PARD6G: variants seen among roughly 807,000 people sequenced by gnomAD.
PARD6G encodes par-6 family cell polarity regulator gamma, also known as partitioning defective 6 homolog gamma.
PARD6G carries 7 observed loss-of-function variants against 10.7 expected under a neutral mutation model. The observed-to-expected ratio is 0.66, with a 90% CI of 0.37 to 1.23. PARD6G has a LOEUF of 1.23. Among genes scored for constraint, PARD6G ranks in the 50% most tolerant of loss-of-function variants. The probability of loss-of-function intolerance (pLI) is 0.02; values close to 1 mark genes in which losing one functional copy is unlikely to be tolerated. For missense variants in PARD6G, 548 were observed against 571.8 expected, an observed-to-expected ratio of 0.96 and a Z score of 0.42; for synonymous variants, 287 against 269.4, an observed-to-expected ratio of 1.07 and a Z score of -0.64.
chr18:80,185,822 G>A (rs1024942215), intron 2 of PARD6G, among the ~76,000 whole-genome samples: 3 of 124,924 alleles, frequency 2.4e-5, no homozygotes, highest in Non-Finnish European at 4.9e-5. Context: ...TGACATGCTC[G>A]CACACCCTCA....
In PARD6G at chr18:80,184,828, T is replaced by A. The variant is rs2052865774; in HGVS notation, c.295+17882A>T. 6.6e-6 allele frequency: 1 copy of A among 152,204 alleles called. No individual in the cohort carries two copies. The highest frequency in any genetic ancestry group is 1.5e-5 in the Non-Finnish European group (1 of 68,056). 9.4% of individuals were successfully genotyped at this position (152,204 alleles called of 1,614,324 possible). The stretch of plus-strand genomic sequence containing the variant: ...AGAGACTACTTAACAGGCAGAGACT[T>A]GTTTTTGGGGTGGTGAAAATGTTCT... On this transcript the variant is annotated intron_variant, in intron 2 of 2. Coordinates refer to ENST00000353265, the MANE Select transcript of PARD6G (RefSeq NM_032510.4). This position sits in a 1 kb window ranked among gnomAD's most constrained non-coding sequence, Gnocchi z 4.5.
intron 2 of PARD6G, among the ~76,000 whole-genome samples, chr18:80,177,722 C>T (rs562678132): frequency 1.2e-4 from 18 of 151,248 alleles, no homozygotes; most frequent in Middle Eastern, 3.4e-3. Context: ...CACGCAAACA[C>T]GCACACAGGA....
intron 1 of PARD6G, among the ~76,000 whole-genome samples, chr18:80,240,109 C>T (rs1274505114): frequency 2.6e-5 from 4 of 152,334 alleles, no homozygotes; most frequent in African/African-American, 7.2e-5. Flanking sequence ...AAGCCATTCA[C>T]GAGGGATCCA....
At chr18:80,221,456 AT>A (rs1231552755) in intron 1 of PARD6G, among the ~76,000 whole-genome samples, 1 of 152,244 alleles carries the variant, frequency 6.6e-6, no homozygotes. Context: ...CAAAAGCCAT[AT>A]GATCATGTCA....
rs1443585583 is a variant in PARD6G at position 80,161,333 on chromosome 18, C to A, written c.296-727G>T. Among the ~76,000 whole-genome samples the A allele has an allele frequency of 6.6e-6, 1 of 152,150 alleles. No individual in the cohort carries two copies. Among genetic ancestry groups the A allele is most frequent in the Non-Finnish European group, 1.5e-5 (1 of 68,038 alleles). On this transcript the variant is annotated intron_variant, in intron 2 of 2. Transcript: ENST00000353265. The surrounding 1 kb of genome is among the most constrained non-coding windows in gnomAD (Gnocchi z 4.6). ...CCATGGGGGCTGTGCAGCTCTCTTC[C>A]TCAGGTCTCCCAGGGACCCTGTGGG...
chr18:80,243,859 C>T (rs1599881149), intron 1 of PARD6G, among the ~76,000 whole-genome samples: 3 of 151,954 alleles, frequency 2.0e-5, no homozygotes, highest in Admixed American at 6.6e-5. Flanking sequence ...AAGCGTGGGC[C>T]GAGGGCATGA....
At position 80,208,205 on chromosome 18, in the gene PARD6G, C is replaced by G. The variant is rs1967072949; in HGVS notation, c.73-5273G>C. Among the ~76,000 whole-genome samples, 3 of 152,172 alleles carry G rather than the reference C, an allele frequency of 2.0e-5. No homozygotes were observed. The South Asian group carries it at 6.2e-4, about 31-fold the overall frequency. On this transcript the variant is annotated intron_variant, in intron 1 of 2. Transcript: ENST00000353265. ...AACTTTATTTGTAATGGAATATTTACAGCATGCTGTAAATTACATCCTTTG... is the reference window on the plus strand; with the variant it reads ...AACTTTATTTGTAATGGAATATTTAGAGCATGCTGTAAATTACATCCTTTG...
At chr18:80,167,283 C>CT (rs2052742878) in intron 2 of PARD6G, among the ~76,000 whole-genome samples, 1 of 147,336 alleles carries the variant, frequency 6.8e-6, no homozygotes, top group Non-Finnish European at 1.5e-5. Flanking sequence ...TGCAGGATAA[C>CT]ACATGGGCAG....
At chr18:80,195,785 G>A (rs1478340271) in intron 2 of PARD6G, among the ~76,000 whole-genome samples, 1 of 150,730 alleles carries the variant, frequency 6.6e-6, no homozygotes, top group African/African-American at 2.4e-5. Context: ...TGAGGCAGGA[G>A]AATCGCTTGA....
intron 2 of PARD6G, among the ~76,000 whole-genome samples, chr18:80,202,438 C>G (rs1967016462): frequency 6.6e-6 from 1 of 152,144 alleles, no homozygotes; most frequent in Non-Finnish European, 1.5e-5. Flanking sequence ...CTCCTTATCA[C>G]TGAGTCATTT....
At position 80,199,768 on chromosome 18, in the gene PARD6G, C is replaced by A. The variant is rs111726118; in HGVS notation, c.295+2942G>T. Reference sequence around the variant, plus strand: ...AGCGATTTCTCCTGCCTCAGCCTCACGAGTAGCTGGGACTACAGGCACATG... The same window carrying A: ...AGCGATTTCTCCTGCCTCAGCCTCAAGAGTAGCTGGGACTACAGGCACATG... On this transcript the variant is annotated intron_variant, in intron 2 of 2. Transcript: ENST00000353265. Among the ~76,000 whole-genome samples the A allele has an allele frequency of 5.3e-4, 81 of 152,258 alleles. 1 individual carries two copies. The highest frequency in any genetic ancestry group is 6.8e-3 in the Middle Eastern group (2 of 294).
Position 80,160,573 on chromosome 18 carries a change from G to A in PARD6G, c.329C>T (p.Ser110Leu), listed in dbSNP as rs1349284589. The A allele has an allele frequency of 4.8e-6, 7 of 1,462,214 alleles. No homozygotes were observed. Among genetic ancestry groups the A allele is most frequent in the Non-Finnish European group, 6.3e-6 (7 of 1,110,700 alleles). The allele number at this position is 1,462,214 out of a possible 1,614,324, so 90.6% of individuals were successfully genotyped here. ...EAERGSLGAG[S>L]LCRRRRALGA... ...CAGCGCCCGCCTCCGCCTGCACAGCGAGCCCGCGCCGAGGCTGCCACGCTC... is the reference window on the plus strand; with the variant it reads ...CAGCGCCCGCCTCCGCCTGCACAGCAAGCCCGCGCCGAGGCTGCCACGCTC... The change falls in exon 3 of 3, where the codon TCG (serine) becomes TTG (leucine). Residue 110 changes from serine to leucine, a missense_variant. Around this residue, in one of 2 missense-constraint regions of PARD6G, gnomAD observed 235 missense variants for 291.9 expected, o/e 0.81. Transcript: ENST00000353265.
chr18:80,159,588 G>T lies in PARD6G; in HGVS notation c.*183C>A. ...GTGTCTCTACAGGCGTTCATTTTAA[G>T]TTCTGTGGCGAAATTCTATAAAAAT... On this transcript the variant is annotated 3_prime_UTR_variant, in exon 3 of 3. Coordinates refer to ENST00000353265, the MANE Select transcript of PARD6G (RefSeq NM_032510.4). The T allele has an allele frequency of 9.7e-7, 1 of 1,033,266 alleles. No individual in the cohort carries two copies. Among genetic ancestry groups the T allele is most frequent in the South Asian group, 3.3e-5 (1 of 30,252 alleles). 64.0% of individuals were successfully genotyped at this position (1,033,266 alleles called of 1,614,324 possible).
chr18:80,198,304 C>A (rs1323331880), intron 2 of PARD6G, among the ~76,000 whole-genome samples: 1 of 152,050 alleles, frequency 6.6e-6, no homozygotes, highest in Admixed American at 6.5e-5. Context: ...AAATAACGTT[C>A]CTAAAGGCAT....
rs1293456786 is a variant in PARD6G, at chr18:80,231,669, TA to T, written c.72+15607del. The stretch of plus-strand genomic sequence containing the variant: ...TCCCAGGGTTGTGGTGAGACTCTAA[TA>T]TGAACACATGTCCTGTGTTCAATAT... On this transcript the variant is annotated intron_variant, in intron 1 of 2. Transcript: ENST00000353265. This position sits in a 1 kb window ranked among gnomAD's most constrained non-coding sequence, Gnocchi z 4.2. 6.6e-6 allele frequency among the ~76,000 whole-genome samples: 1 copy of T among 152,144 alleles called. No homozygotes were observed. Among genetic ancestry groups the T allele is most frequent in the African/African-American group, 2.4e-5 (1 of 41,410 alleles).
rs1456917216 is a variant in PARD6G at position 80,182,442 on chromosome 18, T to C, written c.295+20268A>G. ...AACTACACTTAAAGAGCGACCAGCT[T>C]TTACAGATACAAAAATAAACATGTT... On this transcript the variant is annotated intron_variant, in intron 2 of 2. Transcript: ENST00000353265. This position sits in a 1 kb window ranked among gnomAD's most constrained non-coding sequence, Gnocchi z 4.5. Among the ~76,000 whole-genome samples, 2 of 152,216 alleles carry C rather than the reference T, an allele frequency of 1.3e-5. No individual in the cohort carries two copies. The highest frequency in any genetic ancestry group is 4.8e-5 in the African/African-American group (2 of 41,454).
intron 2 of PARD6G, among the ~76,000 whole-genome samples, chr18:80,185,433 C>T (rs540470781): frequency 1.3e-5 from 2 of 152,174 alleles, no homozygotes; most frequent in African/African-American, 2.4e-5. Flanking sequence ...CTCCACCACA[C>T]CTGTCTAATT....
chr18:80,202,674 C>T, intron 2 of PARD6G, 36 bp downstream of exon 2: 1 of 1,573,344 alleles, frequency 6.4e-7, no homozygotes, highest in Non-Finnish European at 8.7e-7. Flanking sequence ...AATGATTTCT[C>T]AACAAGACCA....
chr18:80,216,503 A>C (rs555029845), intron 1 of PARD6G, among the ~76,000 whole-genome samples: 1 of 152,124 alleles, frequency 6.6e-6, no homozygotes, highest in Admixed American at 6.5e-5. Flanking sequence ...CTAATTAAAC[A>C]TACCCCTAAA....
Sources: gnomAD v4.1 joint callset for allele counts (sites outside exome capture counted in the v4.1 genomes callset) on GRCh38, gnomAD v4.1.1 for gene constraint, gnomAD v4.1.1 regional missense constraint, Gnocchi (gnomAD v3.1) non-coding constraint, MANE v1.5 for transcripts, NCBI Gene and HGNC (gene_info 2026-07-23, HGNC 2026-07-21) for gene names.